AFP: variants seen among roughly 807,000 people sequenced by gnomAD.
The protein encoded by AFP is alpha-fetoprotein.
In AFP, 64 loss-of-function variants were observed where a neutral mutation model predicts 78.9. The observed-to-expected ratio is 0.81, with a 90% CI of 0.66 to 1.00. The LOEUF is 1.00. AFP is among the 50% of genes least tolerant of loss of function. The pLI is 0.00. For missense variants in AFP, 689 were observed against 703.8 expected, an observed-to-expected ratio of 0.98 and a Z score of 0.24; for synonymous variants, 254 against 243.8, an observed-to-expected ratio of 1.04 and a Z score of -0.39.
At chr4:73,447,196 G>T (rs1457268821) in intron 7 of AFP, among the ~76,000 whole-genome samples, 1 of 151,980 alleles carries the variant, frequency 6.6e-6, no homozygotes, top group Non-Finnish European at 1.5e-5. Flanking sequence ...ATTGGCTGAA[G>T]ATATTACTCT....
intron 4 of AFP, 44 bp downstream of exon 4, chr4:73,440,857 G>C: frequency 2.6e-6 from 4 of 1,540,824 alleles, no homozygotes; most frequent in Non-Finnish European, 3.6e-6. Context: ...CAGAAACACA[G>C]CAATGGCAAG....
chr4:73,451,748 G>A (rs1004247781), intron 11 of AFP, among the ~76,000 whole-genome samples: 1 of 152,206 alleles, frequency 6.6e-6, no homozygotes, highest in Non-Finnish European at 1.5e-5. Flanking sequence ...TACGACAGCT[G>A]TTTTAAACAA....
At chr4:73,452,749 A>G in intron 12 of AFP, 125 bp downstream of exon 12, 2 of 808,782 alleles carry the variant, frequency 2.5e-6, no homozygotes, top group Non-Finnish European at 4.1e-6. Context: ...AACACTTAAA[A>G]TGCCTTTGAA....
chr4:73,449,380 A>G lies in AFP; in HGVS notation c.1104A>G (p.Ser368=). 1 of 1,613,516 alleles carries G rather than the reference A, an allele frequency of 6.2e-7. No homozygotes were observed. The highest frequency in any genetic ancestry group is 8.5e-7 in the Non-Finnish European group (1 of 1,179,604). ...GAAGACATCCTCAGCTTGCTGTCTC[A>G]GTAATTCTAAGAGTTGCTAAAGGAT... is the stretch of plus-strand genomic sequence containing the variant. The part of the protein sequence containing the change: ...YSRRHPQLAV[S]VILRVAKGYQ... Residue 368 remains serine (S), a synonymous_variant, in exon 9 of 15, where the codon TCA becomes TCG. Coordinates refer to ENST00000395792, the MANE Select transcript of AFP (RefSeq NM_001134.3).
rs758910782 is a variant in AFP, at chr4:73,450,083, G to A, written c.1239G>A (p.Lys413=). ...KYIQESQALA[K]RSCGLFQKLG... ...TCCAGGAGAGCCAAGCATTGGCAAA[G>A]CGAAGCTGCGGCCTCTTCCAGAAAC... The change falls in exon 10 of 15, where the codon AAG becomes AAA. Residue 413 remains lysine, a synonymous_variant. Transcript: ENST00000395792. 20 of 1,613,728 alleles carry A rather than the reference G, an allele frequency of 1.2e-5. No individual in the cohort carries two copies. Among genetic ancestry groups the A allele is most frequent in the East Asian group, 2.2e-5 (1 of 44,866 alleles).
rs1719772958 is a variant in AFP at position 73,444,914 on chromosome 4, T to A, written c.714-79T>A. The A allele has an allele frequency of 1.9e-5, 23 of 1,229,108 alleles. No homozygotes were observed. The South Asian group carries it at 3.1e-4, about 17-fold the overall frequency. The allele number at this position is 1,229,108 out of a possible 1,614,324, so 76.1% of individuals were successfully genotyped here. A position where few individuals can be genotyped will look rare whatever the true frequency, so the allele number is the denominator to read the frequency against. ...AGTCATTTCTCTTTGAAACTTCTAC[T>A]GTAGTAATACTCTATAAATTCTATT... On this transcript the variant is annotated intron_variant, in intron 6 of 14. Transcript: ENST00000395792.
intron 14 of AFP, 166 bp downstream of exon 14, chr4:73,455,456 A>G (rs1413274995): frequency 6.0e-6 from 4 of 663,206 alleles, no homozygotes; most frequent in Non-Finnish European, 1.1e-5. Flanking sequence ...ACACAATGTT[A>G]AATTAGTGGC....
chr4:73,443,519 T>C (rs913248292), intron 6 of AFP, 75 bp downstream of exon 6: 2 of 1,132,014 alleles, frequency 1.8e-6, no homozygotes, highest in Non-Finnish European at 2.7e-6. Context: ...TTCGTTTTTT[T>C]AATTGTTGCT....
intron 12 of AFP, 63 bp from the exon 13 acceptor site, chr4:73,453,702 G>C: frequency 6.3e-7 from 1 of 1,582,436 alleles, no homozygotes; most frequent in Non-Finnish European, 8.6e-7. Flanking sequence ...TACTAGGAAG[G>C]CTGTAGAAAA....
At chr4:73,453,693 A>G (rs541951607) in intron 12 of AFP, 72 bp from the exon 13 acceptor site, 2 of 1,564,198 alleles carry the variant, frequency 1.3e-6, no homozygotes, top group South Asian at 1.2e-5. Flanking sequence ...AAAATTCTCT[A>G]CTAGGAAGGC....
At chr4:73,441,097 T>C (rs921132814) in intron 4 of AFP, among the ~76,000 whole-genome samples, 7 of 152,066 alleles carry the variant, frequency 4.6e-5, no homozygotes, top group Admixed American at 2.0e-4. Flanking sequence ...TTACCCATTC[T>C]ACTCTCAATT....
Position 73,438,242 on chromosome 4 carries a change from A to T in AFP, c.206A>T (p.Asp69Val), listed in dbSNP as rs139089703. 2 of 1,613,546 alleles carry T rather than the reference A, an allele frequency of 1.2e-6. No individual in the cohort carries two copies. The highest frequency in any genetic ancestry group is 1.3e-5 in the African/African-American group (1 of 75,044). The change falls in exon 3 of 15, where the codon GAT becomes GTT. Residue 69 changes from aspartate (D) to valine (V), a missense_variant. Coordinates refer to ENST00000395792, the MANE Select transcript of AFP (RefSeq NM_001134.3). ...TYKEVSKMVK[D>V]ALTAIEKPTG... The stretch of plus-strand genomic sequence containing the variant: ...AAGGAAGTAAGCAAAATGGTGAAAG[A>T]TGCATTGACTGCAATTGAGAAACCC...
intron 13 of AFP, among the ~76,000 whole-genome samples, chr4:73,454,126 T>C (rs1442239755): frequency 1.3e-5 from 2 of 151,792 alleles, no homozygotes; most frequent in Non-Finnish European, 2.9e-5. Context: ...TTAGTAATTT[T>C]AATTTATTTC....
intron 13 of AFP, 110 bp from the exon 14 acceptor site, chr4:73,455,126 C>G: frequency 2.3e-6 from 2 of 870,072 alleles, no homozygotes; most frequent in Non-Finnish European, 3.8e-6. Flanking sequence ...TCATTTTTAA[C>G]TTAGTTAATC....
intron 5 of AFP, among the ~76,000 whole-genome samples, chr4:73,442,642 G>A (rs1318957643): frequency 6.6e-6 from 1 of 152,072 alleles, no homozygotes; most frequent in Non-Finnish European, 1.5e-5. Context: ...TATTATTAAG[G>A]AAGTGAGTTT....
chr4:73,452,703 A>C (rs920499294), intron 12 of AFP, 79 bp downstream of exon 12: 3 of 1,144,576 alleles, frequency 2.6e-6, no homozygotes, highest in Admixed American at 3.8e-5. Flanking sequence ...CGCTCACCTA[A>C]CACTATTGGG....
intron 7 of AFP, among the ~76,000 whole-genome samples, 170 bp from the exon 8 acceptor site, chr4:73,447,292 C>T (rs541800862): frequency 2.9e-4 from 44 of 151,056 alleles, no homozygotes; most frequent in Non-Finnish European, 4.4e-4. Context: ...TTCCTCCTTC[C>T]TCCATCCCTC....
At chr4:73,449,105 T>C (rs1719912440) in intron 8 of AFP, among the ~76,000 whole-genome samples, 1 of 152,078 alleles carries the variant, frequency 6.6e-6, no homozygotes. Context: ...AAAAGTCAAA[T>C]TGAGAGATGC....
At position 73,449,168 on chromosome 4, in the gene AFP, A is replaced by G. The variant is rs116657170; in HGVS notation, c.1059-167A>G. On this transcript the variant is annotated intron_variant, in intron 8 of 14. Transcript: ENST00000395792. The stretch of plus-strand genomic sequence containing the variant: ...GACAATTTGAAGGATCACAGTCTGT[A>G]TTAACAGTTTTGCCATTCATATAAT... 3.6e-3 allele frequency among the ~76,000 whole-genome samples: 549 copies of G among 152,346 alleles called. 2 individuals are homozygous for G. Among genetic ancestry groups the G allele is most frequent in the African/African-American group, 0.013 (529 of 41,596 alleles).
Sources: gnomAD v4.1 joint callset for allele counts (sites outside exome capture counted in the v4.1 genomes callset) on GRCh38, gnomAD v4.1.1 for gene constraint, MANE v1.5 for transcripts, NCBI Gene and HGNC (gene_info 2026-07-23, HGNC 2026-07-21) for gene names.